The following CPA6 variants were observed in gnomAD, a reference collection of about 807,000 sequenced individuals.
CPA6 encodes the protein carboxypeptidase B.
CPA6 carries 58 observed loss-of-function variants against 63.3 expected under a neutral mutation model. The observed-to-expected ratio is 0.92, with a 90% confidence interval of 0.74 to 1.14. The LOEUF (loss-of-function observed/expected upper bound fraction) is 1.14, where lower values mean the gene tolerates loss of function less well. CPA6 is among the 50% of genes most tolerant of loss of function. CPA6 has a pLI of 0.00. For synonymous variants in CPA6, 185 were observed against 179.0 expected, an observed-to-expected ratio of 1.03 and a Z score of -0.27; for missense variants, 565 against 526.6, an observed-to-expected ratio of 1.07 and a Z score of -0.71.
chr8:67,513,350 G>C (rs1177338893), intron 3 of CPA6, among the ~76,000 whole-genome samples: 1 of 152,176 alleles, frequency 6.6e-6, no homozygotes, highest in Non-Finnish European at 1.5e-5. Flanking sequence ...ATCTGGGATG[G>C]TCAAGAGGGA....
chr8:67,616,501 ATGTGTG>A (rs4009134), intron 2 of CPA6, among the ~76,000 whole-genome samples: 11,937 of 126,870 alleles, frequency 0.094, 604 homozygotes, highest in African/African-American at 0.16. Flanking sequence ...GGCAAATTGA[ATGTGTG>A]TGTGTGTGTG....
chr8:67,510,396 A>G (rs1448525154), intron 4 of CPA6, among the ~76,000 whole-genome samples: 1 of 142,158 alleles, frequency 7.0e-6, no homozygotes, highest in Admixed American at 6.9e-5. Flanking sequence ...TAATCTAATG[A>G]GCAGGATATA....
chr8:67,537,653 A>AT (rs1394582671), intron 2 of CPA6, among the ~76,000 whole-genome samples: 5 of 152,118 alleles, frequency 3.3e-5, no homozygotes, highest in East Asian at 3.9e-4. Flanking sequence ...GGATTCATTG[A>AT]TTTTTTGAAG....
intron 6 of CPA6, among the ~76,000 whole-genome samples, chr8:67,504,015 C>G (rs977921416): frequency 1.3e-5 from 2 of 152,062 alleles, no homozygotes; most frequent in African/African-American, 4.8e-5. Flanking sequence ...ATTATTTAAT[C>G]CTCCCAATAA....
intron 1 of CPA6, among the ~76,000 whole-genome samples, chr8:67,716,359 A>T (rs547307579): frequency 6.6e-6 from 1 of 152,286 alleles, no homozygotes; most frequent in South Asian, 2.1e-4. Context: ...ATGAGACATC[A>T]ATCAACACAT....
intron 8 of CPA6, among the ~76,000 whole-genome samples, chr8:67,482,311 C>T (rs1811376776): frequency 6.6e-6 from 1 of 152,110 alleles, no homozygotes; most frequent in Admixed American, 6.5e-5. Flanking sequence ...AGCGAAACAT[C>T]CCTGTGTTTA....
In CPA6 at chr8:67,434,208, T is replaced by C. The variant is rs1256419967; in HGVS notation, c.871A>G (p.Thr291Ala). 6.2e-7 allele frequency: 1 copy of C among 1,614,118 alleles called. No individual in the cohort carries two copies. The highest frequency in any genetic ancestry group is 8.5e-7 in the Non-Finnish European group (1 of 1,180,030). Residue 291 changes from threonine (T) to alanine (A), a missense_variant, in exon 9 of 11, where the codon ACA becomes GCA. Physicochemically the swap from Thr to Ala is moderately conservative, Grantham distance 58. Coordinates refer to ENST00000297770, the MANE Select transcript of CPA6 (RefSeq NM_020361.5). ...EGASMHPCDDTYCGPFPESEP... is the reference protein window; with the variant it reads ...EGASMHPCDDAYCGPFPESEP... ...GATTCTGGAAAAGGGCCACAGTATG[T>C]GTCATCACAAGGGTGCATAGAAGCT...
At chr8:67,716,487 A>G (rs1479124708) in intron 1 of CPA6, among the ~76,000 whole-genome samples, 2 of 152,170 alleles carry the variant, frequency 1.3e-5, no homozygotes, top group Admixed American at 6.5e-5. Context: ...CACTGAATAC[A>G]CAATTTACAT....
chr8:67,668,813 A>G (rs1816285153), intron 1 of CPA6, among the ~76,000 whole-genome samples: 2 of 152,252 alleles, frequency 1.3e-5, no homozygotes. Flanking sequence ...TGACGTTCAA[A>G]TTCACAACTA....
intron 8 of CPA6, among the ~76,000 whole-genome samples, chr8:67,478,946 G>A (rs1186630372): frequency 2.6e-5 from 4 of 152,138 alleles, no homozygotes; most frequent in Non-Finnish European, 5.9e-5. Flanking sequence ...GCTTGAACCC[G>A]GGAGGCAGAG....
At chr8:67,509,426 ATCATT>A (rs1811997681) in intron 5 of CPA6, 86 bp downstream of exon 5, 3 of 628,728 alleles carry the variant, frequency 4.8e-6, no homozygotes, top group Non-Finnish European at 8.5e-6. Flanking sequence ...TCTATAAAAG[ATCATT>A]TCATTTCTTT....
At chr8:67,485,071 A>C (rs1195696111) in intron 6 of CPA6, among the ~76,000 whole-genome samples, 1 of 152,220 alleles carries the variant, frequency 6.6e-6, no homozygotes, top group Non-Finnish European at 1.5e-5. Context: ...CTGATTAAGA[A>C]AGCAGCAACA....
At chr8:67,522,783 A>C (rs867897644) in intron 2 of CPA6, among the ~76,000 whole-genome samples, 2 of 152,226 alleles carry the variant, frequency 1.3e-5, no homozygotes, top group African/African-American at 4.8e-5. Flanking sequence ...AGCCAGTTGC[A>C]GCATGCCTGG....
At chr8:67,615,538 A>C (rs1402767424) in intron 2 of CPA6, among the ~76,000 whole-genome samples, 1 of 152,186 alleles carries the variant, frequency 6.6e-6, no homozygotes, top group East Asian at 1.9e-4. Flanking sequence ...AATAAAAACC[A>C]GAGGGGTGGG....
intron 2 of CPA6, among the ~76,000 whole-genome samples, chr8:67,581,758 C>G (rs963507379): frequency 6.6e-6 from 1 of 152,150 alleles, no homozygotes; most frequent in Non-Finnish European, 1.5e-5. Flanking sequence ...TAGGACTTTA[C>G]TCAATGGTCA....
chr8:67,601,998 T>C (rs373547047), intron 2 of CPA6, among the ~76,000 whole-genome samples: 1 of 152,198 alleles, frequency 6.6e-6, no homozygotes, highest in East Asian at 1.9e-4. Flanking sequence ...AAATCTGGTA[T>C]ATCTATGGCA....
At chr8:67,489,160 G>T (rs1811552140) in intron 6 of CPA6, among the ~76,000 whole-genome samples, 1 of 151,426 alleles carries the variant, frequency 6.6e-6, no homozygotes, top group Non-Finnish European at 1.5e-5. Context: ...TGCCCAGGCT[G>T]GTCTCAGACT....
At position 67,699,828 on chromosome 8, in the gene CPA6, A is replaced by G. The variant is rs549817762; in HGVS notation, c.116+46186T>C. On this transcript the variant is annotated intron_variant, in intron 1 of 10. Transcript: ENST00000297770. Reference sequence around the variant, plus strand: ...GGTCTCAAACTCCTGACCTCAGGTGATCCACCTGCCTCAGCCTCCCAGAGC... The same window carrying G: ...GGTCTCAAACTCCTGACCTCAGGTGGTCCACCTGCCTCAGCCTCCCAGAGC... Among the ~76,000 whole-genome samples the G allele has an allele frequency of 3.9e-5, 6 of 152,252 alleles. 1 individual carries two copies. In the South Asian group the frequency reaches 1.2e-3, roughly 32 times the overall value.
chr8:67,711,757 TGA>T (rs1463601243), intron 1 of CPA6, among the ~76,000 whole-genome samples: 1 of 151,300 alleles, frequency 6.6e-6, no homozygotes, highest in East Asian at 1.9e-4. Context: ...ACACCCCATA[TGA>T]GAGGATTCAG....
Sources: gnomAD v4.1 joint callset for allele counts (sites outside exome capture counted in the v4.1 genomes callset) on GRCh38, gnomAD v4.1.1 for gene constraint, MANE v1.5 for transcripts, NCBI Gene and HGNC (gene_info 2026-07-23, HGNC 2026-07-21) for gene names.